Variants in RGL1 observed in about 807,000 individuals in gnomAD.
RGL1 encodes the protein ral guanine nucleotide dissociation stimulator like 1.
In RGL1, 24 loss-of-function variants were observed where a neutral mutation model predicts 95.2. That is an observed-to-expected ratio of 0.25 (90% CI 0.18 to 0.35). The LOEUF (loss-of-function observed/expected upper bound fraction) is 0.35, where lower values mean the gene tolerates loss of function less well. Ranked by LOEUF, RGL1 falls within the 10% of genes least tolerant of loss-of-function variation. The pLI, the probability that RGL1 is intolerant of heterozygous loss-of-function variation, is 1.00. For missense variants in RGL1, 715 were observed against 936.3 expected (o/e 0.76, Z 3.08); for synonymous variants, 329 against 344.9 (o/e 0.95, Z 0.51).
intron 2 of RGL1, among the ~76,000 whole-genome samples, chr1:183,793,393 C>T (rs1202585558): frequency 6.6e-6 from 1 of 152,094 alleles, no homozygotes; most frequent in Non-Finnish European, 1.5e-5. Context: ...TTCAAAAGCA[C>T]AGGCAACAGA....
At chr1:183,655,086 T>A (rs6657106) in intron 1 of RGL1, among the ~76,000 whole-genome samples, 1,916 of 152,362 alleles carry the variant, frequency 0.013, 47 homozygotes, top group African/African-American at 0.044. Context: ...CCATGTTTCA[T>A]CTTCATTCAG....
intron 1 of RGL1, among the ~76,000 whole-genome samples, chr1:183,730,952 C>T (rs1391964648): frequency 6.6e-6 from 1 of 152,102 alleles, no homozygotes; most frequent in Non-Finnish European, 1.5e-5. Context: ...CTTTTTGTCC[C>T]GTCTGAAGTG....
At chr1:183,899,890 C>T (rs912463952) in intron 10 of RGL1, among the ~76,000 whole-genome samples, 4 of 152,168 alleles carry the variant, frequency 2.6e-5, no homozygotes, top group Non-Finnish European at 5.9e-5. Context: ...AAACATAAAC[C>T]CCACAGTCAA....
At chr1:183,911,672 T>C (rs1339561814) in intron 14 of RGL1, among the ~76,000 whole-genome samples, 1 of 152,236 alleles carries the variant, frequency 6.6e-6, no homozygotes, top group East Asian at 1.9e-4. Context: ...AGTTCACAGA[T>C]TGTTGGAAAT....
At chr1:183,892,282 A>G in intron 9 of RGL1, 121 bp downstream of exon 9, 1 of 696,806 alleles carries the variant, frequency 1.4e-6, no homozygotes, top group Non-Finnish European at 2.3e-6. Flanking sequence ...AAGTAACTAG[A>G]AGGCAAAAAA....
At chr1:183,854,489 A>G (rs1232798241) in intron 3 of RGL1, among the ~76,000 whole-genome samples, 2 of 152,200 alleles carry the variant, frequency 1.3e-5, no homozygotes, top group African/African-American at 4.8e-5. Flanking sequence ...AATAACCAGC[A>G]AAACGGAGCT....
intron 15 of RGL1, among the ~76,000 whole-genome samples, chr1:183,916,102 G>C (rs536526539): frequency 6.6e-6 from 1 of 152,292 alleles, no homozygotes; most frequent in African/African-American, 2.4e-5. Flanking sequence ...CTCCAGCCCC[G>C]TAAGCTTCTG....
At chr1:183,782,693 G>T (rs958343069) in intron 2 of RGL1, among the ~76,000 whole-genome samples, 15 of 152,218 alleles carry the variant, frequency 9.9e-5, no homozygotes, top group African/African-American at 3.4e-4. Context: ...TGTTGGTAAT[G>T]TGCTCTAGGT....
intron 2 of RGL1, among the ~76,000 whole-genome samples, chr1:183,845,638 G>A (rs1210933881): frequency 6.6e-6 from 1 of 152,170 alleles, no homozygotes; most frequent in African/African-American, 2.4e-5. Flanking sequence ...ACCCAGTGGT[G>A]CTTGGTACAA....
intron 1 of RGL1, among the ~76,000 whole-genome samples, chr1:183,738,855 T>G (rs1418466922): frequency 1.3e-5 from 2 of 151,764 alleles, no homozygotes; most frequent in Non-Finnish European, 1.5e-5. Context: ...GAGCCAAGAC[T>G]GCACCACTGC....
At chr1:183,765,434 A>G (rs1348799579) in intron 2 of RGL1, among the ~76,000 whole-genome samples, 1 of 152,250 alleles carries the variant, frequency 6.6e-6, no homozygotes, top group African/African-American at 2.4e-5. Context: ...CAATTGTTAA[A>G]GGCTATAAAC....
intron 5 of RGL1, among the ~76,000 whole-genome samples, chr1:183,882,959 A>T (rs1666908088): frequency 6.6e-6 from 1 of 152,210 alleles, no homozygotes; most frequent in Non-Finnish European, 1.5e-5. Flanking sequence ...TTTGACAGGA[A>T]GGAGTGTGAG....
chr1:183,922,275 C>A lies in RGL1; in HGVS notation c.2058C>A (p.His686Gln). 6.2e-7 allele frequency: 1 copy of A among 1,614,130 alleles called. No homozygotes were observed. Among genetic ancestry groups the A allele is most frequent in the South Asian group, 1.1e-5 (1 of 91,060 alleles). The part of the protein sequence containing the change: ...PAVIQRAMLK[H>Q]NLDSDPAEEY... ...TGATCCAGAGAGCCATGCTGAAGCACAATCTGGACTCAGACCCCGCCGAGG... is the reference window on the plus strand; with the variant it reads ...TGATCCAGAGAGCCATGCTGAAGCAAAATCTGGACTCAGACCCCGCCGAGG... Residue 686 changes from histidine (H) to glutamine (Q), a missense_variant, in exon 17 of 18, where the codon CAC (histidine) becomes CAA (glutamine). His to Gln is a conservative substitution (Grantham distance 24). Transcript: ENST00000360851.
intron 2 of RGL1, among the ~76,000 whole-genome samples, chr1:183,764,672 G>A (rs759192435): frequency 2.0e-4 from 30 of 151,780 alleles, no homozygotes; most frequent in Admixed American, 1.8e-3. Flanking sequence ...TCGATCTTTC[G>A]GGCTGCTTCA....
intron 15 of RGL1, among the ~76,000 whole-genome samples, chr1:183,916,154 G>C (rs1030966181): frequency 6.6e-6 from 1 of 152,114 alleles, no homozygotes; most frequent in African/African-American, 2.4e-5. Context: ...TCTGGTGTCT[G>C]CTGCCACCTG....
intron 1 of RGL1, among the ~76,000 whole-genome samples, chr1:183,714,647 T>C (rs957602006): frequency 2.6e-5 from 4 of 152,218 alleles, no homozygotes; most frequent in Non-Finnish European, 5.9e-5. Flanking sequence ...TTAAGACTTA[T>C]GCCCTCTGAC....
intron 5 of RGL1, among the ~76,000 whole-genome samples, chr1:183,883,131 C>T (rs1461060449): frequency 2.6e-5 from 4 of 152,122 alleles, no homozygotes; most frequent in African/African-American, 7.2e-5. Flanking sequence ...GCTTTTTATT[C>T]GGAATCCTGG....
intron 2 of RGL1, among the ~76,000 whole-genome samples, chr1:183,757,753 T>G (rs1243859707): frequency 6.6e-6 from 1 of 152,172 alleles, no homozygotes; most frequent in Non-Finnish European, 1.5e-5. Flanking sequence ...ACATTTTCAT[T>G]TTACTCATAA....
At chr1:183,775,809 A>T (rs1659561529) in intron 2 of RGL1, among the ~76,000 whole-genome samples, 2 of 152,226 alleles carry the variant, frequency 1.3e-5, no homozygotes, top group Admixed American at 1.3e-4. Context: ...TGTCAAAACC[A>T]CTTGAGATTT....
Sources: gnomAD v4.1 joint callset for allele counts (sites outside exome capture counted in the v4.1 genomes callset) on GRCh38, gnomAD v4.1.1 for gene constraint, MANE v1.5 for transcripts, NCBI Gene and HGNC (gene_info 2026-07-23, HGNC 2026-07-21) for gene names.